KRT81: variants seen among roughly 807,000 people sequenced by gnomAD.
KRT81 encodes the protein keratin, type II cuticular Hb1.
Under a neutral mutation model 35.8 loss-of-function variants are expected in KRT81, and 35 were observed. The ratio of observed to expected loss-of-function variants is 0.98; its 90% confidence interval spans 0.75 to 1.30. The LOEUF (loss-of-function observed/expected upper bound fraction) is 1.30, where lower values mean the gene tolerates loss of function less well. KRT81 is among the 50% of genes most tolerant of loss of function. KRT81 has a pLI of 0.00. For synonymous variants in KRT81, 249 were observed against 251.2 expected, an observed-to-expected ratio of 0.99 and a Z score of 0.08; for missense variants, 531 against 577.4, an observed-to-expected ratio of 0.92 and a Z score of 0.82.
chr12:52,287,420 C>T, intron 6 of KRT81, 98 bp from the exon 7 acceptor site: 3 of 1,572,910 alleles, frequency 1.9e-6, no homozygotes, highest in Non-Finnish European at 2.6e-6. Context: ...GGGAGCACCC[C>T]AGAACAGAGC....
intron 5 of KRT81, 40 bp from the exon 6 acceptor site, chr12:52,287,761 C>T (rs564978100): frequency 6.2e-7 from 1 of 1,613,998 alleles, no homozygotes; most frequent in Middle Eastern, 1.6e-4. Context: ...CAGGGTGGGA[C>T]CTCCCATCCA....
intron 3 of KRT81, among the ~76,000 whole-genome samples, chr12:52,288,681 C>T (rs1938047893): frequency 6.6e-6 from 1 of 152,084 alleles, no homozygotes; most frequent in Non-Finnish European, 1.5e-5. Context: ...TTCACCCCTC[C>T]TTGCCCTCCT....
rs115355093 is a variant in KRT81 at position 52,286,320 on chromosome 12, C to T, written c.1453G>A (p.Val485Met). Reference protein sequence around the residue: ...NTTCGGGSCGVGSCGISSLGV... With the variant: ...NTTCGGGSCGMGSCGISSLGV... ...AGGGAGCTGATACCACAGGAGCCCA[C>T]GCCGCAGGAACCCCCTCCGCAGGTG... Residue 485 changes from valine (V) to methionine (M), a missense_variant, in exon 9 of 9, where the codon GTG (valine) becomes ATG (methionine). By Grantham distance (21) the Val-to-Met change is conservative (BLOSUM62 1). Coordinates refer to ENST00000327741, the MANE Select transcript of KRT81 (RefSeq NM_002281.4). 1,367 of 1,554,588 alleles carry T rather than the reference C, an allele frequency of 8.8e-4. 10 individuals carry two copies. In the African/African-American group the frequency reaches 0.015, roughly 18 times the overall value.
chr12:52,288,145 T>C lies in KRT81; in HGVS notation c.739A>G (p.Ile247Val), dbSNP rs765456866. 2.1e-5 allele frequency: 34 copies of C among 1,613,880 alleles called. No individual in the cohort carries two copies. The highest frequency in any genetic ancestry group is 2.5e-5 in the Non-Finnish European group (30 of 1,179,980). Reference protein sequence around the residue: ...DFLRRLYEEEILILQSHISDT... With the variant: ...DFLRRLYEEEVLILQSHISDT... The stretch of plus-strand genomic sequence containing the variant: ...GAGATGTGCGACTGGAGAATGAGGA[T>C]CTCCTGCAGGAGGTGAGGGCAGTGA... The change falls in exon 5 of 9, where the codon ATC (isoleucine) becomes GTC (valine). Residue 247 changes from isoleucine (I) to valine (V), a missense_variant. By Grantham distance (29) the Ile-to-Val change is conservative. Transcript: ENST00000327741.
At chr12:52,287,743 A>C (rs1386955354) in intron 5 of KRT81, 22 bp from the exon 6 acceptor site, 2 of 1,613,904 alleles carry the variant, frequency 1.2e-6, no homozygotes, top group Admixed American at 1.7e-5. Context: ...AGAGATGCTC[A>C]TGAGGTTCAG....
rs3187034 is a variant in KRT81 at position 52,287,653 on chromosome 12, A to C, written c.969T>G (p.Asn323Lys). The change falls in exon 6 of 9, where the codon AAT becomes AAG. Residue 323 changes from asparagine to lysine, a missense_variant. Around this residue, in one of 5 missense-constraint regions of KRT81, gnomAD observed 194 missense variants for 198.2 expected, o/e 0.98. Transcript: ENST00000327741. ...GCCTTTGGATCATGCGGTTCAGCTC[A>C]TTGATCTCCTCCTTGGTGCGGCGCA... ...ETLRRTKEEI[N>K]ELNRMIQRLT... 1 of 1,609,350 alleles carries C rather than the reference A, an allele frequency of 6.2e-7. No individual in the cohort carries two copies. Among genetic ancestry groups the C allele is most frequent in the African/African-American group, 1.3e-5 (1 of 74,666 alleles).
intron 4 of KRT81, 69 bp downstream of exon 4, chr12:52,288,292 C>G (rs1938026052): frequency 1.2e-6 from 2 of 1,608,960 alleles, no homozygotes; most frequent in Non-Finnish European, 8.5e-7. Flanking sequence ...CACATCCTGT[C>G]CAACACTCCC....
intron 6 of KRT81, 111 bp from the exon 7 acceptor site, chr12:52,287,433 C>T: frequency 6.4e-7 from 1 of 1,569,982 alleles, no homozygotes; most frequent in Admixed American, 1.9e-5. Context: ...AACAGAGCCT[C>T]TTGCCTTTAT....
At position 52,291,485 on chromosome 12, in the gene KRT81, G is replaced by T; in HGVS notation, c.-20C>A. ...GGTCATGATCCTCCTGGACGTTTGG[G>T]TTGCAGAGGACAGGATAGGGGACCT... On this transcript the variant is annotated 5_prime_UTR_variant, in exon 1 of 9. Coordinates refer to ENST00000327741, the MANE Select transcript of KRT81 (RefSeq NM_002281.4). The T allele has an allele frequency of 6.2e-7, 1 of 1,612,296 alleles. No homozygotes were observed. Among genetic ancestry groups the T allele is most frequent in the Non-Finnish European group, 8.5e-7 (1 of 1,179,254 alleles).
chr12:52,291,406 C>G lies in KRT81; in HGVS notation c.60G>C (p.Pro20=), dbSNP rs75660643. 5.3e-3 allele frequency: 8,616 copies of G among 1,610,584 alleles called. 133 individuals carry two copies. The highest frequency in any genetic ancestry group is 0.053 in the East Asian group (2,382 of 44,752). Residue 20 remains proline, a synonymous_variant, in exon 1 of 9, where the codon CCG becomes CCC. Coordinates refer to ENST00000327741, the MANE Select transcript of KRT81 (RefSeq NM_002281.4). ...RAFSCISACG[P]RPGRCCITAA... is the part of the protein sequence containing the mutation. Reference sequence around the variant, plus strand: ...CGGTGATGCAGCAGCGGCCGGGCCGCGGCCCGCAGGCCGAGATGCAGCTGA... The same window carrying G: ...CGGTGATGCAGCAGCGGCCGGGCCGGGGCCCGCAGGCCGAGATGCAGCTGA...
At position 52,286,091 on chromosome 12, in the gene KRT81, C is replaced by T; in HGVS notation, c.*164G>A. On this transcript the variant is annotated 3_prime_UTR_variant, in exon 9 of 9. Coordinates refer to ENST00000327741, the MANE Select transcript of KRT81 (RefSeq NM_002281.4). Reference sequence around the variant, plus strand: ...CTTTCCCACTGTGGGGTGGCAGAGCCCAGAAGTGGGGGATCACACAGAGAA... The same window carrying T: ...CTTTCCCACTGTGGGGTGGCAGAGCTCAGAAGTGGGGGATCACACAGAGAA... 1.5e-6 allele frequency: 1 copy of T among 688,448 alleles called. No individual in the cohort carries two copies. Among genetic ancestry groups the T allele is most frequent in the South Asian group, 1.8e-5 (1 of 55,888 alleles). 42.6% of individuals were successfully genotyped at this position (688,448 alleles called of 1,614,324 possible).
chr12:52,288,554 G>T, intron 3 of KRT81, 98 bp from the exon 4 acceptor site: 2 of 1,362,444 alleles, frequency 1.5e-6, no homozygotes, highest in Non-Finnish European at 2.1e-6. Context: ...GGGGAAAGCA[G>T]TCCCTGGTGT....
Position 52,287,163 on chromosome 12 carries a change from T to C in KRT81, c.1186A>G (p.Lys396Glu). 3 of 1,613,674 alleles carry C rather than the reference T, an allele frequency of 1.9e-6. No individual in the cohort carries two copies. Among genetic ancestry groups the C allele is most frequent in the Non-Finnish European group, 1.7e-6 (2 of 1,180,010 alleles). The change falls in exon 7 of 9, where the codon AAG becomes GAG. Residue 396 changes from lysine to glutamate, a missense_variant. Lys to Glu is a moderately conservative substitution (Grantham distance 56). This residue lies in a region of KRT81 where 49 missense variants were observed against 87.8 expected (regional missense o/e 0.56). Coordinates refer to ENST00000327741, the MANE Select transcript of KRT81 (RefSeq NM_002281.4). Reference protein sequence around the residue: ...IREYQEVMNSKLGLDIEIATY... With the variant: ...IREYQEVMNSELGLDIEIATY... ...GCGATCTCGATGTCCAGGCCCAGCTTGGAGTTCATCACCTCCTGGTACTCC... is the reference window on the plus strand; with the variant it reads ...GCGATCTCGATGTCCAGGCCCAGCTCGGAGTTCATCACCTCCTGGTACTCC...
intron 5 of KRT81, 37 bp from the exon 6 acceptor site, chr12:52,287,758 G>A: frequency 6.2e-7 from 1 of 1,613,962 alleles, no homozygotes. Context: ...GTTCAGGGTG[G>A]GACCTCCCAT....
chr12:52,291,415 G>C lies in KRT81; in HGVS notation c.51C>G (p.Ala17=), dbSNP rs763504601. 3.7e-6 allele frequency: 6 copies of C among 1,611,726 alleles called. No individual in the cohort carries two copies. In the African/African-American group the frequency reaches 5.3e-5, roughly 14 times the overall value. ...AGCAGCGGCCGGGCCGCGGCCCGCA[G>C]GCCGAGATGCAGCTGAAGGCGCGCC... ...FGGRAFSCIS[A]CGPRPGRCCI... is the part of the protein sequence containing the mutation. Residue 17 remains alanine (A), a synonymous_variant, in exon 1 of 9, where the codon GCC becomes GCG. Transcript: ENST00000327741.
At position 52,286,173 on chromosome 12, in the gene KRT81, T is replaced by A; in HGVS notation, c.*82A>T. ...AAGTGCAGGAGAAGTAGCTGAGCACTTGCTCCAGGCGCCTGGACTGGATGG... is the reference window on the plus strand; with the variant it reads ...AAGTGCAGGAGAAGTAGCTGAGCACATGCTCCAGGCGCCTGGACTGGATGG... On this transcript the variant is annotated 3_prime_UTR_variant, in exon 9 of 9. Transcript: ENST00000327741. The A allele has an allele frequency of 2.6e-6, 3 of 1,147,962 alleles. No homozygotes were observed. The South Asian group carries it at 4.0e-5, about 15-fold the overall frequency. The allele number at this position is 1,147,962 out of a possible 1,614,324, so 71.1% of individuals were successfully genotyped here.
At chr12:52,286,859 G>T (rs1294732626) in intron 7 of KRT81, 37 bp from the exon 8 acceptor site, 2 of 1,611,638 alleles carry the variant, frequency 1.2e-6, no homozygotes, top group South Asian at 2.2e-5. Context: ...ATTAGTGACT[G>T]CCCCAGAGTG....
In KRT81 at chr12:52,287,523, T is replaced by G. The variant is rs529504000; in HGVS notation, c.1026+73A>C. The G allele has an allele frequency of 4.3e-6, 7 of 1,612,592 alleles. No homozygotes were observed. In the East Asian group the frequency reaches 1.3e-4, roughly 31 times the overall value. On this transcript the variant is annotated intron_variant, in intron 6 of 8. Transcript: ENST00000327741. ...TGGAGAATGAATGCTGAGATCCAGG[T>G]AGGGCACACATAGGCTGTGTGACAA...
Position 52,285,959 on chromosome 12 carries a change from A to C in KRT81, c.*296T>G. 1 of 475,642 alleles carries C rather than the reference A, an allele frequency of 2.1e-6. No homozygotes were observed. The highest frequency in any genetic ancestry group is 3.9e-6 in the Non-Finnish European group (1 of 259,146). The allele number at this position is 475,642 out of a possible 1,614,324, so 29.5% of individuals were successfully genotyped here. On this transcript the variant is annotated 3_prime_UTR_variant, in exon 9 of 9. Transcript: ENST00000327741. ...AACACAGATCAAGAGCAGAGGAGGAAGGGGAGAGGCAGGAAGGCAGTTGCC... is the reference window on the plus strand; with the variant it reads ...AACACAGATCAAGAGCAGAGGAGGACGGGGAGAGGCAGGAAGGCAGTTGCC...
Sources: gnomAD v4.1 joint callset for allele counts (sites outside exome capture counted in the v4.1 genomes callset) on GRCh38, gnomAD v4.1.1 for gene constraint, gnomAD v4.1.1 regional missense constraint, MANE v1.5 for transcripts, NCBI Gene and HGNC (gene_info 2026-07-23, HGNC 2026-07-21) for gene names.